Variants in ARID1B observed in about 807,000 individuals in gnomAD.
ARID1B encodes the protein AT-rich interactive domain-containing protein 1B.
Under a neutral mutation model 212.3 loss-of-function variants are expected in ARID1B, and 30 were observed. The ratio of observed to expected loss-of-function variants is 0.14; its 90% confidence interval spans 0.11 to 0.19. ARID1B has a LOEUF of 0.19. Ranked by LOEUF, ARID1B falls within the 10% of genes least tolerant of loss-of-function variation. ARID1B has a pLI of 1.00. For missense variants in ARID1B, 2,891 were observed against 3,204.0 expected (o/e 0.90, Z 2.36); for synonymous variants, 1,402 against 1,301.7 (o/e 1.08, Z -1.66).
At chr6:156,959,533 G>A (rs906399097) in intron 4 of ARID1B, among the ~76,000 whole-genome samples, 1 of 151,270 alleles carries the variant, frequency 6.6e-6, no homozygotes, top group African/African-American at 2.4e-5. Flanking sequence ...GCTTAATTCG[G>A]TCTGTTTATT....
chr6:156,953,228 C>T (rs1331671782), intron 4 of ARID1B, among the ~76,000 whole-genome samples: 1 of 152,216 alleles, frequency 6.6e-6, no homozygotes, highest in Non-Finnish European at 1.5e-5. Flanking sequence ...GCTCCAAGTG[C>T]TAGAATGGAC....
chr6:156,886,336 G>T (rs2128178401), intron 2 of ARID1B, among the ~76,000 whole-genome samples: 1 of 152,290 alleles, frequency 6.6e-6, no homozygotes, highest in South Asian at 2.1e-4. Context: ...GGGATTCCAG[G>T]CACCTGCCAC....
At chr6:156,977,024 A>C (rs1777292448) in intron 4 of ARID1B, 1 of 487,644 alleles carries the variant, frequency 2.1e-6, no homozygotes, top group Non-Finnish European at 4.0e-6. Flanking sequence ...ACCATAAGGA[A>C]GCAAGATGAA....
chr6:156,806,554 C>A (rs560540472), intron 1 of ARID1B, among the ~76,000 whole-genome samples: 1 of 152,198 alleles, frequency 6.6e-6, no homozygotes, highest in African/African-American at 2.4e-5. Flanking sequence ...TTCCAAAGTG[C>A]TTTTCTTATC....
intron 6 of ARID1B, among the ~76,000 whole-genome samples, chr6:157,118,498 G>A (rs574941075): frequency 6.6e-6 from 1 of 152,314 alleles, no homozygotes; most frequent in Admixed American, 6.5e-5. Flanking sequence ...AATTAACTTA[G>A]CCTCCACTCT....
intron 4 of ARID1B, among the ~76,000 whole-genome samples, chr6:157,016,720 C>T (rs1221454799): frequency 8.5e-5 from 13 of 152,080 alleles, no homozygotes; most frequent in East Asian, 3.9e-4. Context: ...TGCCCATGTG[C>T]GACCCAAACT....
Position 157,175,010 on chromosome 6 carries a change from G to A in ARID1B, c.3504+5G>A. On this transcript the variant is annotated splice_donor_5th_base_variant and intron_variant, in intron 11 of 19. Transcript: ENST00000636930. ...CCAAAGACTCCATCAAGCCCTGTAA[G>A]TGGCTCTGGTTTTTTTTTGTTTTTT... 1 of 1,378,834 alleles carries A rather than the reference G, an allele frequency of 7.3e-7. No individual in the cohort carries two copies. The highest frequency in any genetic ancestry group is 2.0e-5 in the South Asian group (1 of 49,406). The allele number at this position is 1,378,834 out of a possible 1,614,324, so 85.4% of individuals were successfully genotyped here.
intron 1 of ARID1B, among the ~76,000 whole-genome samples, chr6:156,797,489 C>T (rs779830432): frequency 3.3e-5 from 5 of 152,166 alleles, no homozygotes; most frequent in African/African-American, 4.8e-5. Context: ...TTCCATTGCC[C>T]GTGGTTGAAA....
chr6:156,983,614 A>G (rs1470829038), intron 4 of ARID1B, among the ~76,000 whole-genome samples: 5 of 152,084 alleles, frequency 3.3e-5, no homozygotes, highest in African/African-American at 9.7e-5. Context: ...GGTGAAGTCT[A>G]AGCCTGGTTG....
intron 3 of ARID1B, among the ~76,000 whole-genome samples, chr6:156,906,545 CCAAAAAAAAA>C (rs1362439828): frequency 2.2e-5 from 1 of 44,580 alleles, no homozygotes; most frequent in Admixed American, 3.8e-4. Context: ...AACTCCATCT[CCAAAAAAAAA>C]AAAAAAAAAA....
Position 157,208,715 on chromosome 6 carries a change from C to A in ARID1B, c.*824C>A. On this transcript the variant is annotated 3_prime_UTR_variant, in exon 20 of 20. Transcript: ENST00000636930. ...AAACATACCCTCATTTTTTTCTTTT[C>A]TTTTTTTTTTTTTTTTTTAGTACAA... The A allele has an allele frequency of 6.8e-6, 1 of 147,530 alleles. No individual in the cohort carries two copies. The highest frequency in any genetic ancestry group is 8.9e-5 in the Admixed American group (1 of 11,236). 9.1% of individuals were successfully genotyped at this position (147,530 alleles called of 1,614,324 possible).
At chr6:156,996,080 T>C (rs1284422591) in intron 4 of ARID1B, among the ~76,000 whole-genome samples, 2 of 152,222 alleles carry the variant, frequency 1.3e-5, no homozygotes, top group African/African-American at 2.4e-5. Flanking sequence ...TTTGACTCTG[T>C]AGCAAATTCA....
rs1157870200 is a variant in ARID1B at position 156,777,718 on chromosome 6, CGGCGCG to C, written c.54_59del (p.Arg19_Ala20del). The C allele has an allele frequency of 7.0e-4, 114 of 162,712 alleles. No individual in the cohort carries two copies. The highest frequency in any genetic ancestry group is 6.5e-3 in the Middle Eastern group (2 of 306). The allele number at this position is 162,712 out of a possible 1,614,324, so 10.1% of individuals were successfully genotyped here. On this transcript the variant is annotated inframe_deletion, in exon 1 of 20. Coordinates refer to ENST00000636930, the MANE Select transcript of ARID1B (RefSeq NM_001374828.1). The stretch of plus-strand genomic sequence containing the variant: ...GCAGCAGCGGCGGCGGCGGCGGCGG[CGGCGCG>C]GGCGCGGGCGCGGGCAGGCAGCGGC...
At chr6:157,128,408 G>T (rs527357712) in intron 6 of ARID1B, among the ~76,000 whole-genome samples, 2 of 152,250 alleles carry the variant, frequency 1.3e-5, no homozygotes, top group East Asian at 1.9e-4. Context: ...AATGCAACAG[G>T]CATGGTGGCC....
chr6:157,170,009 G>A (rs903940515), intron 9 of ARID1B: 1 of 152,188 alleles, frequency 6.6e-6, no homozygotes, highest in African/African-American at 2.4e-5. Context: ...CGAAGAAAAA[G>A]GCAATCACAC....
intron 1 of ARID1B, among the ~76,000 whole-genome samples, chr6:156,813,142 T>C (rs980650716): frequency 6.7e-6 from 1 of 150,080 alleles, no homozygotes; most frequent in African/African-American, 2.5e-5. Context: ...TCTCGCACTG[T>C]TGCCAGGCTG....
At position 157,203,794 on chromosome 6, in the gene ARID1B, TCTTTCGTTAA is replaced by T. The variant is rs2128384902; in HGVS notation, c.5264-63_5264-54del. 1 of 1,563,260 alleles carries T rather than the reference TCTTTCGTTAA, an allele frequency of 6.4e-7. No homozygotes were observed. The highest frequency in any genetic ancestry group is 8.8e-7 in the Non-Finnish European group (1 of 1,138,716). On this transcript the variant is annotated intron_variant, in intron 18 of 19. Transcript: ENST00000636930. This position sits in a 1 kb window ranked among gnomAD's most constrained non-coding sequence, Gnocchi z 4.4. ...TAACACTCCACTTATTTTTTCTTACTCTTTCGTTAACTTTCGTTCTTTCATGCATAGAGTC... is the reference window on the plus strand; with the variant it reads ...TAACACTCCACTTATTTTTTCTTACTCTTTCGTTCTTTCATGCATAGAGTC...
At chr6:157,205,429 A>C (rs1015754020) in intron 19 of ARID1B, 2 of 152,228 alleles carry the variant, frequency 1.3e-5, no homozygotes, top group African/African-American at 4.8e-5. Context: ...TTCTTGGTAC[A>C]GTTGCTTAAA....
At chr6:156,906,672 T>C (rs1020433535) in intron 3 of ARID1B, among the ~76,000 whole-genome samples, 2 of 151,690 alleles carry the variant, frequency 1.3e-5, no homozygotes, top group Admixed American at 6.6e-5. Flanking sequence ...GTTGCTGTGC[T>C]GTAGAAACCA....
Sources: gnomAD v4.1 joint callset for allele counts (sites outside exome capture counted in the v4.1 genomes callset) on GRCh38, gnomAD v4.1.1 for gene constraint, Gnocchi (gnomAD v3.1) non-coding constraint, MANE v1.5 for transcripts, NCBI Gene and HGNC (gene_info 2026-07-23, HGNC 2026-07-21) for gene names.